Variants in SNX29 observed in about 807,000 individuals in gnomAD.
SNX29 encodes sorting nexin-29.
A neutral mutation model predicts 102.1 loss-of-function variants in SNX29; 78 were observed. The observed-to-expected ratio is 0.76, with a 90% CI of 0.64 to 0.92. The LOEUF (loss-of-function observed/expected upper bound fraction) is 0.92, where lower values mean the gene tolerates loss of function less well. SNX29 is among the 40% of genes least tolerant of loss of function. SNX29 has a pLI of 0.00. For synonymous variants in SNX29, 580 were observed against 414.5 expected, an observed-to-expected ratio of 1.40 and a Z score of -4.85; for missense variants, 1,280 against 1,061.7, an observed-to-expected ratio of 1.21 and a Z score of -2.86.
At chr16:12,071,310 A>G (rs1187999219) in intron 10 of SNX29, among the ~76,000 whole-genome samples, 3 of 152,106 alleles carry the variant, frequency 2.0e-5, no homozygotes, top group African/African-American at 7.2e-5. Context: ...TAGGTCTAAC[A>G]TGTAAGTCTT....
chr16:12,403,337 G>C, intron 17 of SNX29, 111 bp from the exon 18 acceptor site: 1 of 1,027,796 alleles, frequency 9.7e-7, no homozygotes, highest in Non-Finnish European at 1.4e-6. Flanking sequence ...TAAATTGCTT[G>C]TGCATAATAC....
At chr16:12,015,559 G>A (rs942183290) in intron 3 of SNX29, among the ~76,000 whole-genome samples, 8 of 147,166 alleles carry the variant, frequency 5.4e-5, no homozygotes, top group East Asian at 4.0e-4. Context: ...TTTCCGAGAC[G>A]GAGTCTTGCT....
intron 18 of SNX29, among the ~76,000 whole-genome samples, chr16:12,452,259 C>T (rs1203531082): frequency 7.1e-6 from 1 of 141,628 alleles, no homozygotes; most frequent in Non-Finnish European, 1.5e-5. Context: ...TTTGGCAATG[C>T]CTGAAAGCAT....
chr16:12,077,534 C>T (rs1173772177), intron 10 of SNX29, among the ~76,000 whole-genome samples: 1 of 151,828 alleles, frequency 6.6e-6, no homozygotes, highest in Non-Finnish European at 1.5e-5. Context: ...CTTATTATTC[C>T]CAGTAGTTGT....
chr16:12,334,104 A>G (rs914350914), intron 15 of SNX29, among the ~76,000 whole-genome samples: 2 of 152,150 alleles, frequency 1.3e-5, no homozygotes, highest in Admixed American at 6.5e-5. Context: ...AAACACTTCA[A>G]AGACACTGTC....
At position 12,225,312 on chromosome 16, in the gene SNX29, A is replaced by G. The variant is rs2077581157; in HGVS notation, c.1678+25629A>G. Reference sequence around the variant, plus strand: ...ACGGCTTGGCTGTGTCCCCATCCAAATCTCATCTTGGATTGTAACTCCCAC... The same window carrying G: ...ACGGCTTGGCTGTGTCCCCATCCAAGTCTCATCTTGGATTGTAACTCCCAC... On this transcript the variant is annotated intron_variant, in intron 14 of 20. Coordinates refer to ENST00000566228, the MANE Select transcript of SNX29 (RefSeq NM_032167.5). Among the ~76,000 whole-genome samples the G allele has an allele frequency of 4.6e-5, 7 of 152,034 alleles. No homozygotes were observed. The South Asian group carries it at 1.5e-3, about 32-fold the overall frequency.
At chr16:12,220,421 G>C (rs748786780) in intron 14 of SNX29, among the ~76,000 whole-genome samples, 8 of 152,122 alleles carry the variant, frequency 5.3e-5, no homozygotes, top group African/African-American at 1.7e-4. Flanking sequence ...AGGAGGAAGA[G>C]GTGAGAGATG....
intron 19 of SNX29, among the ~76,000 whole-genome samples, chr16:12,491,024 T>TATAC (rs2088519637): frequency 6.6e-6 from 1 of 152,254 alleles, no homozygotes; most frequent in Admixed American, 6.5e-5. Context: ...ATTCTTTATG[T>TATAC]AGCCTTTCAC....
chr16:12,290,739 G>A (rs545966168), intron 15 of SNX29, among the ~76,000 whole-genome samples: 2 of 152,288 alleles, frequency 1.3e-5, no homozygotes, highest in Admixed American at 6.5e-5. Context: ...TGTGTGACTA[G>A]TTTTGGCCAG....
At chr16:12,289,563 C>T (rs890380377) in intron 15 of SNX29, among the ~76,000 whole-genome samples, 2 of 152,270 alleles carry the variant, frequency 1.3e-5, no homozygotes, top group East Asian at 1.9e-4. Context: ...TGTTCTGTTT[C>T]GCTTCCATTT....
chr16:12,096,788 C>T lies in SNX29; in HGVS notation c.1402+17873C>T, dbSNP rs1373893049. On this transcript the variant is annotated intron_variant, in intron 11 of 20. Transcript: ENST00000566228. This position sits in a 1 kb window ranked among gnomAD's most constrained non-coding sequence, Gnocchi z 4.2. ...TTAGGTTATGCAGTACAGCTCCCAA[C>T]TCCTTACCTGGAAAAAGACCAGTGC... Among the ~76,000 whole-genome samples, 1 of 152,218 alleles carries T rather than the reference C, an allele frequency of 6.6e-6. No individual in the cohort carries two copies. Among genetic ancestry groups the T allele is most frequent in the Admixed American group, 6.5e-5 (1 of 15,280 alleles).
intron 11 of SNX29, chr16:12,095,322 C>A (rs1239320041): frequency 1.3e-5 from 2 of 152,150 alleles, no homozygotes; most frequent in East Asian, 3.8e-4. Flanking sequence ...GCGGCTCAGG[C>A]TTTATTCCTG....
chr16:12,330,571 T>G (rs2081265619), intron 15 of SNX29, among the ~76,000 whole-genome samples: 1 of 152,200 alleles, frequency 6.6e-6, no homozygotes, highest in Non-Finnish European at 1.5e-5. Flanking sequence ...ATTGTCACCT[T>G]TTTACAGAAT....
At chr16:12,088,935 A>C (rs1020704962) in intron 11 of SNX29, among the ~76,000 whole-genome samples, 2 of 152,172 alleles carry the variant, frequency 1.3e-5, no homozygotes, top group Non-Finnish European at 2.9e-5. Context: ...TGACAGTACA[A>C]AAATTAGCTG....
At chr16:12,092,927 AT>A (rs1346083299) in intron 11 of SNX29, among the ~76,000 whole-genome samples, 1 of 152,174 alleles carries the variant, frequency 6.6e-6, no homozygotes, top group East Asian at 1.9e-4. Context: ...TGGCTTGGAC[AT>A]TTGGCCCATA....
At chr16:12,548,885 C>G (rs565529136) in intron 20 of SNX29, among the ~76,000 whole-genome samples, 1 of 152,362 alleles carries the variant, frequency 6.6e-6, no homozygotes, top group African/African-American at 2.4e-5. Context: ...CTGAACCCTA[C>G]ACATAGCAGC....
At chr16:12,383,749 A>C (rs2083255118) in intron 16 of SNX29, among the ~76,000 whole-genome samples, 1 of 149,964 alleles carries the variant, frequency 6.7e-6, no homozygotes. Flanking sequence ...TGTAACATTA[A>C]AAAAAAAAGA....
chr16:12,227,648 C>T (rs1046423741), intron 14 of SNX29, among the ~76,000 whole-genome samples: 1 of 152,016 alleles, frequency 6.6e-6, no homozygotes, highest in Non-Finnish European at 1.5e-5. Context: ...GCCTGTAATC[C>T]CAGCACTTTG....
chr16:12,009,216 C>A (rs538557275), intron 3 of SNX29, among the ~76,000 whole-genome samples: 1 of 152,018 alleles, frequency 6.6e-6, no homozygotes. Context: ...CATATCCTTA[C>A]ACCGAAAAAA....
Sources: allele counts gnomAD v4.1 joint callset (sites outside exome capture counted in the v4.1 genomes callset), GRCh38; gene constraint gnomAD v4.1.1; non-coding constraint Gnocchi (gnomAD v3.1); transcripts MANE v1.5; gene names NCBI Gene and HGNC (gene_info 2026-07-23, HGNC 2026-07-21).